Variants in ZC3H12B observed in about 807,000 individuals in gnomAD.
ZC3H12B encodes zinc finger CCCH-type containing 12B.
A neutral mutation model predicts 43.9 loss-of-function variants in ZC3H12B; 7 were observed. The observed-to-expected ratio is 0.16, with a 90% CI of 0.09 to 0.30. The LOEUF (loss-of-function observed/expected upper bound fraction) is 0.30. Ranked by LOEUF, ZC3H12B falls within the 10% of genes least tolerant of loss-of-function variation. ZC3H12B has a pLI of 1.00. For missense variants in ZC3H12B, 475 were observed against 670.2 expected, an observed-to-expected ratio of 0.71 and a Z score of 3.22; for synonymous variants, 222 against 241.7, an observed-to-expected ratio of 0.92 and a Z score of 0.76.
chrX:65,382,897 G>A (rs1005560447), intron 2 of ZC3H12B, among the ~76,000 whole-genome samples: 20 of 110,690 alleles, frequency 1.8e-4, no homozygotes, highest in Non-Finnish European at 3.6e-4. Flanking sequence ...AACTTACAAG[G>A]GATGTGAAGG....
chrX:65,326,252 T>A, the ZC3H12B span, among the ~76,000 whole-genome samples: 1 of 111,595 alleles, frequency 9.0e-6, no homozygotes, highest in African/African-American at 3.2e-5. Flanking sequence ...GAGAAAATAT[T>A]TGAAAGCCAT....
rs1037872510 is a variant in ZC3H12B, at chrX:65,416,494, A to T, written n.407+17790A>T. Among the ~76,000 whole-genome samples the T allele has an allele frequency of 2.7e-5, 3 of 110,919 alleles. No homozygotes were observed. The Admixed American group carries it at 2.9e-4, about 11-fold the overall frequency. On this transcript the variant is annotated intron_variant and non_coding_transcript_variant, in intron 3 of 5. Transcript: ENST00000617377. The stretch of plus-strand genomic sequence containing the variant: ...CACCAAGACACTTATTAGAAATGCA[A>T]AATCGGGCCGGGTGCGGTGGCTCAC...
chrX:65,140,449 T>C, the ZC3H12B span, among the ~76,000 whole-genome samples: 1 of 112,082 alleles, frequency 8.9e-6, no homozygotes, highest in Non-Finnish European at 1.9e-5. Context: ...TAAATCACAC[T>C]TGATCTTGAT....
intron 2 of ZC3H12B, among the ~76,000 whole-genome samples, chrX:65,383,097 A>T (rs900640158): frequency 5.4e-5 from 6 of 111,583 alleles, no homozygotes; most frequent in Non-Finnish European, 1.1e-4. Flanking sequence ...GAATTGGAAA[A>T]ATCTACTTTA....
the ZC3H12B span, among the ~76,000 whole-genome samples, chrX:65,206,882 G>C: frequency 1.8e-5 from 2 of 110,866 alleles, no homozygotes; most frequent in Non-Finnish European, 3.8e-5. Context: ...AGATATAGCA[G>C]TGGCCAACAA....
At chrX:65,408,296 A>G in intron 3 of ZC3H12B, 1 of 1,181,135 alleles carries the variant, frequency 8.5e-7, no homozygotes, top group Admixed American at 2.2e-5. Flanking sequence ...ATATGGATTA[A>G]ACATTGAAAT....
chrX:65,191,632 G>A, the ZC3H12B span, among the ~76,000 whole-genome samples: 1 of 72,643 alleles, frequency 1.4e-5, no homozygotes, highest in Non-Finnish European at 2.4e-5. Context: ...ATTTCTGTGG[G>A]ATCAGTGGTG....
intron 2 of ZC3H12B, among the ~76,000 whole-genome samples, chrX:65,376,854 G>A (rs2066353594): frequency 9.0e-6 from 1 of 110,541 alleles, no homozygotes; most frequent in African/African-American, 3.3e-5. Context: ...ACTTTTCAAT[G>A]CCCAGACACC....
Position 65,445,477 on chromosome X carries a change from C to T in ZC3H12B, n.408-43169C>T, listed in dbSNP as rs777089194. ...ATTACCAGGCAGAGTCTCTTGTTCA[C>T]TTCCTTTATTTTCCCCCAAACAAAT... On this transcript the variant is annotated intron_variant and non_coding_transcript_variant, in intron 3 of 5. Transcript: ENST00000617377. Among the ~76,000 whole-genome samples the T allele has an allele frequency of 1.4e-3, 156 of 112,628 alleles. 1 individual carries two copies. Among genetic ancestry groups the T allele is most frequent in the African/African-American group, 4.9e-3 (153 of 31,005 alleles).
At chrX:65,328,873 G>A in the ZC3H12B span, among the ~76,000 whole-genome samples, 7 of 108,899 alleles carry the variant, frequency 6.4e-5, no homozygotes, top group African/African-American at 2.3e-4. Flanking sequence ...ACAAAGGACA[G>A]GATTTCATCA....
At chrX:65,484,424 T>G, upstream of ZC3H12B, among the ~76,000 whole-genome samples, 1 of 112,236 alleles carries the variant, frequency 8.9e-6, no homozygotes, top group Non-Finnish European at 1.9e-5. Flanking sequence ...AAAATAAAGC[T>G]TAGTATTCTT....
At chrX:65,233,966 T>A in the ZC3H12B span, among the ~76,000 whole-genome samples, 3 of 111,376 alleles carry the variant, frequency 2.7e-5, no homozygotes, top group South Asian at 1.1e-3. Context: ...AGAACTAATA[T>A]CAATCCTTTT....
chrX:65,332,027 C>T, the ZC3H12B span, among the ~76,000 whole-genome samples: 2 of 111,329 alleles, frequency 1.8e-5, no homozygotes, highest in Admixed American at 1.9e-4. Flanking sequence ...TGCCAACCTT[C>T]TATCTCATCC....
the ZC3H12B span, among the ~76,000 whole-genome samples, chrX:65,188,803 T>A: frequency 3.7e-3 from 16 of 4,350 alleles, no homozygotes; most frequent in Admixed American, 0.11. Context: ...AGTCTTTAAG[T>A]TTTTTTTTTT....
the ZC3H12B span, among the ~76,000 whole-genome samples, chrX:65,133,589 A>T: frequency 9.0e-6 from 1 of 111,660 alleles, no homozygotes; most frequent in Non-Finnish European, 1.9e-5. Context: ...ATTGTTGGGC[A>T]GGTGGGGGAC....
At chrX:65,273,099 G>A in the ZC3H12B span, 1 of 111,877 alleles carries the variant, frequency 8.9e-6, no homozygotes, top group Non-Finnish European at 1.9e-5. Context: ...AGAGTATCTT[G>A]GTTATCCTTG....
chrX:65,141,550 G>T, the ZC3H12B span, among the ~76,000 whole-genome samples: 1 of 108,005 alleles, frequency 9.3e-6, no homozygotes, highest in Admixed American at 1.0e-4. Flanking sequence ...AGGTTATTGG[G>T]GAACAAGTGG....
chrX:65,061,327 C>T, the ZC3H12B span, among the ~76,000 whole-genome samples: 13,660 of 106,212 alleles, frequency 0.13, 2,075 homozygotes, highest in African/African-American at 0.48. Flanking sequence ...GTCCAACATC[C>T]CCCAACAGGC....
chrX:65,507,362 C>A, exon 5 of ZC3H12B: 1 of 112,461 alleles, frequency 8.9e-6, no homozygotes, highest in Non-Finnish European at 1.9e-5. Context: ...TAGTCTTCAA[C>A]TGAAATGGCA....
Sources: gnomAD v4.1 joint callset for allele counts (sites outside exome capture counted in the v4.1 genomes callset) on GRCh38, gnomAD v4.1.1 for gene constraint, MANE v1.5 for transcripts, NCBI Gene and HGNC (gene_info 2026-07-23, HGNC 2026-07-21) for gene names.